CATSPERT: variants seen among roughly 807,000 people sequenced by gnomAD.
CATSPERT encodes the protein cation channel sperm-associated targeting subunit tau.
chr2:201,508,746 C>T, the CATSPERT span, among the ~76,000 whole-genome samples: 1 of 152,056 alleles, frequency 6.6e-6, no homozygotes, highest in African/African-American at 2.4e-5. Context: ...TTTGTCCTTT[C>T]GTGATGGGCT....
the CATSPERT span, among the ~76,000 whole-genome samples, chr2:201,544,167 T>G: frequency 0.42 from 63,861 of 151,900 alleles, 14,041 homozygotes; most frequent in East Asian, 0.75. Context: ...CTTCATCCAT[T>G]TCCCTACAAA....
chr2:201,562,966 T>C, the CATSPERT span, among the ~76,000 whole-genome samples: 3 of 150,632 alleles, frequency 2.0e-5, 1 homozygote, highest in African/African-American at 7.4e-5. Flanking sequence ...TTCCCCACCT[T>C]TCCCCCCTTT....
the CATSPERT span, chr2:201,494,027 C>A: frequency 1.3e-6 from 2 of 1,535,920 alleles, no homozygotes; most frequent in Non-Finnish European, 1.7e-6. Context: ...AGTGAATCTG[C>A]AGGAATATTT....
chr2:201,592,875 TTTC>T, the CATSPERT span, among the ~76,000 whole-genome samples: 2 of 152,140 alleles, frequency 1.3e-5, no homozygotes, highest in Admixed American at 1.3e-4. Context: ...TCTCTCTTTT[TTTC>T]TTTATTAGTC....
the CATSPERT span, among the ~76,000 whole-genome samples, chr2:201,516,034 T>C: frequency 1.3e-5 from 2 of 152,242 alleles, no homozygotes; most frequent in Non-Finnish European, 2.9e-5. Flanking sequence ...CATCATAGTA[T>C]GTACTTATAT....
chr2:201,602,278 T>C, the CATSPERT span, among the ~76,000 whole-genome samples: 1 of 152,166 alleles, frequency 6.6e-6, no homozygotes, highest in Non-Finnish European at 1.5e-5. Flanking sequence ...CAAAAAGTGT[T>C]CTACTCTAAT....
chr2:201,504,133 C>T, the CATSPERT span, among the ~76,000 whole-genome samples: 1 of 152,294 alleles, frequency 6.6e-6, no homozygotes, highest in Admixed American at 6.5e-5. Flanking sequence ...TTATCTGGAG[C>T]TTTCTTGCTG....
At chr2:201,585,673 G>C in the CATSPERT span, among the ~76,000 whole-genome samples, 1 of 152,086 alleles carries the variant, frequency 6.6e-6, no homozygotes, top group Non-Finnish European at 1.5e-5. Flanking sequence ...GTGATAAATG[G>C]AATTAAAGTT....
the CATSPERT span, among the ~76,000 whole-genome samples, chr2:201,530,289 G>A: frequency 2.2e-5 from 2 of 90,652 alleles, no homozygotes; most frequent in East Asian, 1.9e-3. Flanking sequence ...ATATCAAAGA[G>A]ATATCTGCAT....
the CATSPERT span, among the ~76,000 whole-genome samples, chr2:201,608,971 G>A: frequency 6.6e-6 from 1 of 151,472 alleles, no homozygotes. Flanking sequence ...CATACAGAAT[G>A]AAAGTAAAGG....
At chr2:201,492,360 ACT>A in the CATSPERT span, 1 of 1,535,126 alleles carries the variant, frequency 6.5e-7, no homozygotes, top group Non-Finnish European at 8.7e-7. Flanking sequence ...CTATAAAAAG[ACT>A]CTGGAGGTGT....
the CATSPERT span, among the ~76,000 whole-genome samples, chr2:201,588,366 C>A: frequency 6.6e-6 from 1 of 151,776 alleles, no homozygotes; most frequent in African/African-American, 2.4e-5. Flanking sequence ...TGTGATCAAT[C>A]GCATAAACAG....
chr2:201,512,073 T>C, the CATSPERT span, among the ~76,000 whole-genome samples: 1 of 152,206 alleles, frequency 6.6e-6, no homozygotes, highest in East Asian at 1.9e-4. Flanking sequence ...CTGGAATATA[T>C]GTTTAGTGGG....
At chr2:201,612,640 C>A in the CATSPERT span, among the ~76,000 whole-genome samples, 1 of 151,096 alleles carries the variant, frequency 6.6e-6, no homozygotes, top group African/African-American at 2.4e-5. Flanking sequence ...TCTGCAGTTC[C>A]CAGTGTGAGT....
the CATSPERT span, among the ~76,000 whole-genome samples, chr2:201,581,563 T>C: frequency 3.1e-4 from 21 of 66,850 alleles, 5 homozygotes; most frequent in East Asian, 3.1e-3. Flanking sequence ...TATATATATA[T>C]ATATATATAT....
chr2:201,515,175 G>T, the CATSPERT span, among the ~76,000 whole-genome samples: 3 of 124,086 alleles, frequency 2.4e-5, no homozygotes, highest in African/African-American at 8.6e-5. Context: ...ATTGCCAAAG[G>T]AATTGAGTGT....
chr2:201,492,043 T>C, the CATSPERT span: 2 of 1,531,716 alleles, frequency 1.3e-6, no homozygotes, highest in Non-Finnish European at 1.7e-6. Flanking sequence ...ATAACTTTTC[T>C]GTTCCTTAAT....
the CATSPERT span, chr2:201,565,726 T>A: frequency 1.3e-5 from 20 of 1,491,582 alleles, no homozygotes; most frequent in Middle Eastern, 3.9e-4. Context: ...TTTTTTTTTT[T>A]ACCTTTCCCG....
chr2:201,494,747 T>C, the CATSPERT span: 1 of 1,497,818 alleles, frequency 6.7e-7, no homozygotes, highest in Non-Finnish European at 8.9e-7. Context: ...CCGTTCTTGT[T>C]GAATTTCTGA....
Sources: gnomAD v4.1 joint callset for allele counts (sites outside exome capture counted in the v4.1 genomes callset) on GRCh38, gnomAD v4.1.1 for gene constraint, MANE v1.5 for transcripts, NCBI Gene and HGNC (gene_info 2026-07-23, HGNC 2026-07-21) for gene names.